Variants in ARHGEF12 observed in about 807,000 individuals in gnomAD.
ARHGEF12 encodes KMT2A/ARHGEF12 fusion protein.
A neutral mutation model predicts 211.2 loss-of-function variants in ARHGEF12; 66 were observed. The observed-to-expected ratio is 0.31, with a 90% CI of 0.26 to 0.38. The LOEUF (loss-of-function observed/expected upper bound fraction) is 0.38. Among genes scored for constraint, ARHGEF12 ranks in the 10% least tolerant of loss-of-function variants. ARHGEF12 has a pLI of 1.00. For missense variants in ARHGEF12, 1,429 were observed against 1,869.5 expected (o/e 0.76, Z 4.34); for synonymous variants, 592 against 638.4 (o/e 0.93, Z 1.09).
At position 120,369,457 on chromosome 11, in the gene ARHGEF12, T is replaced by C. The variant is rs918742956; in HGVS notation, c.32+32182T>C. ...TCTTTTGTTTTTAATTGAAAACTTA[T>C]AATACATTTCAGAGATAAAGGAGAG... On this transcript the variant is annotated intron_variant, in intron 1 of 40. Transcript: ENST00000397843. 4.6e-5 allele frequency among the ~76,000 whole-genome samples: 7 copies of C among 152,310 alleles called. 1 individual carries two copies. In the Middle Eastern group the frequency reaches 0.014, roughly 296 times the overall value.
chr11:120,399,601 G>C (rs750699262), intron 1 of ARHGEF12, among the ~76,000 whole-genome samples: 21 of 151,948 alleles, frequency 1.4e-4, no homozygotes, highest in Non-Finnish European at 2.2e-4. Context: ...CTGTGATTTG[G>C]GGTTAGTATA....
chr11:120,478,197 C>A lies in ARHGEF12; in HGVS notation c.3574C>A (p.Pro1192Thr). 1 of 1,613,942 alleles carries A rather than the reference C, an allele frequency of 6.2e-7. No individual in the cohort carries two copies. Among genetic ancestry groups the A allele is most frequent in the Non-Finnish European group, 8.5e-7 (1 of 1,179,958 alleles). ...AGAATCTACCTTAATATCGTCAAAA[C>A]CTCAGTCTCATTCACTGAGTACCTC... Reference protein sequence around the residue: ...GLESTLISSKPQSHSLSTSGK... With the variant: ...GLESTLISSKTQSHSLSTSGK... Residue 1192 changes from proline (P) to threonine (T), a missense_variant, in exon 37 of 41, where the codon CCT becomes ACT. Physicochemically the swap from Pro to Thr is conservative, Grantham distance 38 (BLOSUM62 -1). Coordinates refer to ENST00000397843, the MANE Select transcript of ARHGEF12 (RefSeq NM_015313.3).
At chr11:120,431,263 C>G (rs192100216) in intron 10 of ARHGEF12, among the ~76,000 whole-genome samples, 10 of 152,208 alleles carry the variant, frequency 6.6e-5, no homozygotes, top group Admixed American at 6.5e-4. Context: ...ACACTCCAGC[C>G]TGGGTGACAG....
Position 120,482,034 on chromosome 11 carries a change from C to T in ARHGEF12, c.4554+458C>T, listed in dbSNP as rs550223695. 2.0e-4 allele frequency among the ~76,000 whole-genome samples: 30 copies of T among 152,318 alleles called. 2 individuals are homozygous for T. The South Asian group carries it at 6.0e-3, about 30-fold the overall frequency. ...TCGGCCTCCCAAAGTACTGGGATTA[C>T]AGGCGTGAGCCACCGCGCCCAGTCG... On this transcript the variant is annotated intron_variant, in intron 39 of 40. Transcript: ENST00000397843.
At chr11:120,449,017 T>G (rs1946128595) in intron 20 of ARHGEF12, 92 bp from the exon 21 acceptor site, 2 of 1,069,746 alleles carry the variant, frequency 1.9e-6, no homozygotes, top group Admixed American at 2.4e-5. Context: ...ACTTAACAAT[T>G]TCTTTGAACT....
intron 1 of ARHGEF12, among the ~76,000 whole-genome samples, chr11:120,353,439 A>C (rs1943048075): frequency 6.6e-6 from 1 of 152,128 alleles, no homozygotes; most frequent in Admixed American, 6.5e-5. Context: ...AACCTTCAAA[A>C]CAGCAACAGA....
intron 1 of ARHGEF12, among the ~76,000 whole-genome samples, chr11:120,359,583 C>G (rs928468095): frequency 6.6e-6 from 1 of 152,092 alleles, no homozygotes; most frequent in South Asian, 2.1e-4. Flanking sequence ...CAAATACTTA[C>G]GGAATATCTG....
rs1944751896 is a variant in ARHGEF12 at position 120,407,699 on chromosome 11, T to G, written c.57-39T>G. 2.0e-6 allele frequency: 3 copies of G among 1,467,428 alleles called. No individual in the cohort carries two copies. In the East Asian group the frequency reaches 6.8e-5, roughly 33 times the overall value. 90.9% of individuals were successfully genotyped at this position (1,467,428 alleles called of 1,614,324 possible). The stretch of plus-strand genomic sequence containing the variant: ...TTTTAAATTTTTTATTCTAATGATT[T>G]TCTTGCACTAAGCATTTGATTACTT... On this transcript the variant is annotated intron_variant, in intron 2 of 40. Transcript: ENST00000397843.
At chr11:120,436,968 A>G (rs1422095357) in intron 11 of ARHGEF12, among the ~76,000 whole-genome samples, 2 of 144,684 alleles carry the variant, frequency 1.4e-5, no homozygotes, top group East Asian at 1.9e-4. Context: ...TTGAGAAGGT[A>G]AGGATTAAGG....
chr11:120,470,482 ACT>A lies in ARHGEF12; in HGVS notation c.2955+1097_2955+1098del, dbSNP rs374687193. 2.7e-3 allele frequency among the ~76,000 whole-genome samples: 406 copies of A among 152,316 alleles called. 1 individual carries two copies. The highest frequency in any genetic ancestry group is 9.1e-3 in the African/African-American group (379 of 41,598). Reference sequence around the variant, plus strand: ...CGTTTGTGGGGAAGATGATGAGGTCACTCTGGGATATCAGGTAGACATGCACA... The same window carrying A: ...CGTTTGTGGGGAAGATGATGAGGTCACTGGGATATCAGGTAGACATGCACA... On this transcript the variant is annotated intron_variant, in intron 30 of 40. Coordinates refer to ENST00000397843, the MANE Select transcript of ARHGEF12 (RefSeq NM_015313.3).
intron 1 of ARHGEF12, among the ~76,000 whole-genome samples, chr11:120,369,273 C>T (rs949650262): frequency 7.2e-5 from 11 of 151,826 alleles, no homozygotes; most frequent in Non-Finnish European, 1.3e-4. Flanking sequence ...GGACTACAGG[C>T]GCACACCCGC....
chr11:120,426,856 T>C lies in ARHGEF12; in HGVS notation c.407-1213T>C, dbSNP rs2135706345. Among the ~76,000 whole-genome samples the C allele has an allele frequency of 1.3e-5, 2 of 150,568 alleles. 1 individual carries two copies. The highest frequency in any genetic ancestry group is 4.7e-4 in the South Asian group (2 of 4,290). ...CCATATCTATTACTGACTCTGATTA[T>C]GGTGTTTTTTTTTGTTTTTGTTTTT... On this transcript the variant is annotated intron_variant, in intron 7 of 40. Transcript: ENST00000397843.
chr11:120,345,520 G>A (rs564263164), intron 1 of ARHGEF12, among the ~76,000 whole-genome samples: 2 of 151,962 alleles, frequency 1.3e-5, no homozygotes, highest in African/African-American at 4.8e-5. Flanking sequence ...TGGCTAACAC[G>A]GTGAAACCCC....
chr11:120,357,169 T>G (rs1195924349), intron 1 of ARHGEF12, among the ~76,000 whole-genome samples: 1 of 152,084 alleles, frequency 6.6e-6, no homozygotes, highest in Non-Finnish European at 1.5e-5. Flanking sequence ...ATTTTTGTAT[T>G]TTTAGTAGAG....
chr11:120,471,472 G>C (rs1946866995), intron 30 of ARHGEF12, among the ~76,000 whole-genome samples: 1 of 152,196 alleles, frequency 6.6e-6, no homozygotes, highest in Admixed American at 6.5e-5. Flanking sequence ...GAAATTAACT[G>C]GGAAGAAGTA....
intron 1 of ARHGEF12, among the ~76,000 whole-genome samples, chr11:120,376,300 T>G (rs943304934): frequency 6.6e-6 from 1 of 152,192 alleles, no homozygotes; most frequent in Admixed American, 6.5e-5. Flanking sequence ...TCAAATTGTA[T>G]TTTTGAAATA....
At chr11:120,431,656 C>T (rs745365074) in intron 10 of ARHGEF12, 115 bp from the exon 11 acceptor site, 5 of 1,159,332 alleles carry the variant, frequency 4.3e-6, no homozygotes, top group South Asian at 2.8e-5. Context: ...ATCAGAATGT[C>T]CAACTTTTAG....
Position 120,480,199 on chromosome 11 carries a change from G to C in ARHGEF12, c.4006G>C (p.Ala1336Pro). The C allele has an allele frequency of 6.2e-7, 1 of 1,614,160 alleles. No individual in the cohort carries two copies. The highest frequency in any genetic ancestry group is 8.5e-7 in the Non-Finnish European group (1 of 1,180,036). The change falls in exon 38 of 41, where the codon GCT becomes CCT. Residue 1336 changes from alanine (A) to proline (P), a missense_variant. Physicochemically the swap from Ala to Pro is conservative, Grantham distance 27 (BLOSUM62 -1). Transcript: ENST00000397843. ...TCCACGGACTTCAACTGAATCTTTT[G>C]CTCCACGGGATTCAGTGGGACTGGC... ...YSPRTSTESF[A>P]PRDSVGLAPQ... is the part of the protein sequence containing the mutation.
chr11:120,390,580 C>G (rs1944180829), intron 1 of ARHGEF12, among the ~76,000 whole-genome samples: 2 of 152,114 alleles, frequency 1.3e-5, no homozygotes, highest in African/African-American at 2.4e-5. Context: ...GGAGTTCTTT[C>G]TATTGGCTTA....
Sources: gnomAD v4.1 joint callset for allele counts (sites outside exome capture counted in the v4.1 genomes callset) on GRCh38, gnomAD v4.1.1 for gene constraint, MANE v1.5 for transcripts, NCBI Gene and HGNC (gene_info 2026-07-23, HGNC 2026-07-21) for gene names.